The following ASB18 variants were observed in gnomAD, a reference collection of about 807,000 sequenced individuals.
The protein encoded by ASB18 is ankyrin repeat and SOCS box containing 18.
ASB18 carries 33 observed loss-of-function variants against 33.4 expected under a neutral mutation model. The ratio of observed to expected loss-of-function variants is 0.99; its 90% CI spans 0.75 to 1.32. ASB18 has a LOEUF of 1.32. Among genes scored for constraint, ASB18 ranks in the 40% most tolerant of loss-of-function variants. ASB18 has a pLI of 0.00. For missense variants in ASB18, 694 were observed against 655.5 expected (o/e 1.06, Z -0.64); for synonymous variants, 295 against 307.6 (o/e 0.96, Z 0.43).
rs1374333715 is a variant in ASB18 at position 236,200,492 on chromosome 2, T to C, written c.1102-4107A>G. On this transcript the variant is annotated intron_variant, in intron 4 of 5. Coordinates refer to ENST00000409749, the MANE Select transcript of ASB18 (RefSeq NM_212556.4). The surrounding 1 kb of genome is among the most constrained non-coding windows in gnomAD (Gnocchi z 4.2). ...GGTCGTGGCAGAGGTATTACCACCC[T>C]GGGCTGAAGGGCCAGTCAGGTGAGC... 6.6e-6 allele frequency among the ~76,000 whole-genome samples: 1 copy of C among 152,234 alleles called. No homozygotes were observed. The highest frequency in any genetic ancestry group is 1.5e-5 in the Non-Finnish European group (1 of 68,044).
chr2:236,229,437 T>C lies in ASB18; in HGVS notation c.596+8252A>G, dbSNP rs1330144877. ...TGGAGTCCCTGAAGGAGAGTACTGG[T>C]TGTATAGAAAAAAAATGTGAAGAAA... On this transcript the variant is annotated intron_variant, in intron 3 of 5. Transcript: ENST00000409749. The surrounding 1 kb of genome is among the most constrained non-coding windows in gnomAD (Gnocchi z 5.2). Among the ~76,000 whole-genome samples the C allele has an allele frequency of 6.6e-6, 1 of 151,998 alleles. No homozygotes were observed. The highest frequency in any genetic ancestry group is 1.5e-5 in the Non-Finnish European group (1 of 68,004).
At position 236,244,421 on chromosome 2, in the gene ASB18, C is replaced by T. The variant is rs1251461163; in HGVS notation, c.206-3019G>A. 9.2e-5 allele frequency among the ~76,000 whole-genome samples: 14 copies of T among 152,184 alleles called. No individual in the cohort carries two copies. Among genetic ancestry groups the T allele is most frequent in the Non-Finnish European group, 1.6e-4 (11 of 68,034 alleles). Reference sequence around the variant, plus strand: ...TGTTAGACCTGGGGACCCATGGGATCCCATCCCCACATGGTGTTGCAACCA... The same window carrying T: ...TGTTAGACCTGGGGACCCATGGGATTCCATCCCCACATGGTGTTGCAACCA... On this transcript the variant is annotated intron_variant, in intron 1 of 5. Transcript: ENST00000409749. The surrounding 1 kb of genome is among the most constrained non-coding windows in gnomAD (Gnocchi z 6.1).
rs1328064064 is a variant in ASB18 at position 236,225,604 on chromosome 2, T to A, written c.597-10738A>T. Among the ~76,000 whole-genome samples the A allele has an allele frequency of 6.6e-6, 1 of 152,012 alleles. No homozygotes were observed. Among genetic ancestry groups the A allele is most frequent in the African/African-American group, 2.4e-5 (1 of 41,378 alleles). On this transcript the variant is annotated intron_variant, in intron 3 of 5. Coordinates refer to ENST00000409749, the MANE Select transcript of ASB18 (RefSeq NM_212556.4). This position sits in a 1 kb window ranked among gnomAD's most constrained non-coding sequence, Gnocchi z 5.1. ...TTTTAATTATCTCGAATAAAAAGGG[T>A]CAAGGAGAGGAATCTGATAACAAAT...
Position 236,234,539 on chromosome 2 carries a change from T to C in ASB18, c.596+3150A>G, listed in dbSNP as rs1343975112. ...TTATATAATAGAGTGGCTCCTCACG[T>C]CTTCACCAGGTGAACCAGTCAGACT... is the stretch of plus-strand genomic sequence containing the variant. On this transcript the variant is annotated intron_variant, in intron 3 of 5. Coordinates refer to ENST00000409749, the MANE Select transcript of ASB18 (RefSeq NM_212556.4). The surrounding 1 kb of genome is among the most constrained non-coding windows in gnomAD (Gnocchi z 4.1). 2.0e-5 allele frequency among the ~76,000 whole-genome samples: 3 copies of C among 152,218 alleles called. No individual in the cohort carries two copies. The highest frequency in any genetic ancestry group is 7.2e-5 in the African/African-American group (3 of 41,454).
At chr2:236,233,986 A>G (rs2060578032) in intron 3 of ASB18, among the ~76,000 whole-genome samples, 1 of 152,202 alleles carries the variant, frequency 6.6e-6, no homozygotes, top group Non-Finnish European at 1.5e-5. Context: ...ATACTACCTG[A>G]CTTCAAAATT....
chr2:236,245,965 G>T lies in ASB18; in HGVS notation c.206-4563C>A, dbSNP rs2060643001. Among the ~76,000 whole-genome samples the T allele has an allele frequency of 6.6e-6, 1 of 152,162 alleles. No homozygotes were observed. Among genetic ancestry groups the T allele is most frequent in the Non-Finnish European group, 1.5e-5 (1 of 68,028 alleles). On this transcript the variant is annotated intron_variant, in intron 1 of 5. Coordinates refer to ENST00000409749, the MANE Select transcript of ASB18 (RefSeq NM_212556.4). This position sits in a 1 kb window ranked among gnomAD's most constrained non-coding sequence, Gnocchi z 4.7. ...TGGACGCTCGGCTGGCCTAGGGCAG[G>T]TCTCAGGTGCTCAGCGTGGGGACCT...
In ASB18 at chr2:236,249,824, C is replaced by T. The variant is rs1020118305; in HGVS notation, c.206-8422G>A. The stretch of plus-strand genomic sequence containing the variant: ...GAGAGGAGGCCCGGCTTGTGTCTGG[C>T]TAACTGAGTGAATAGACTGAATTTC... On this transcript the variant is annotated intron_variant, in intron 1 of 5. Coordinates refer to ENST00000409749, the MANE Select transcript of ASB18 (RefSeq NM_212556.4). The surrounding 1 kb of genome is among the most constrained non-coding windows in gnomAD (Gnocchi z 4.6). The T allele has an allele frequency of 4.6e-5, 7 of 152,102 alleles. No homozygotes were observed. The highest frequency in any genetic ancestry group is 1.7e-4 in the African/African-American group (7 of 41,412). The allele number at this position is 152,102 out of a possible 1,614,324, so 9.4% of individuals were successfully genotyped here.
rs1478532702 is a variant in ASB18 at position 236,237,859 on chromosome 2, G to A, written c.426C>T (p.Arg142=). Residue 142 remains arginine (R), a synonymous_variant, in exon 3 of 6, where the codon CGC becomes CGT. Transcript: ENST00000409749. This position sits in a 1 kb window ranked among gnomAD's most constrained non-coding sequence, Gnocchi z 6.2. ...HTACVRHLLG[R]GADPDASPGG... is the part of the protein sequence containing the mutation. Reference sequence around the variant, plus strand: ...CGGGGCTGGCGTCTGGGTCTGCGCCGCGGCCGAGCAGGTGTCGCACGCAGG... The same window carrying A: ...CGGGGCTGGCGTCTGGGTCTGCGCCACGGCCGAGCAGGTGTCGCACGCAGG... The A allele has an allele frequency of 6.9e-6, 10 of 1,455,840 alleles. No individual in the cohort carries two copies. Among genetic ancestry groups the A allele is most frequent in the Non-Finnish European group, 8.1e-6 (9 of 1,113,294 alleles). 90.2% of individuals were successfully genotyped at this position (1,455,840 alleles called of 1,614,324 possible). A position where few individuals can be genotyped will look rare whatever the true frequency, so the allele number is the denominator to read the frequency against.
rs2060551924 is a variant in ASB18 at position 236,228,703 on chromosome 2, G to A, written c.596+8986C>T. Among the ~76,000 whole-genome samples the A allele has an allele frequency of 6.6e-6, 1 of 152,130 alleles. No individual in the cohort carries two copies. The highest frequency in any genetic ancestry group is 1.9e-4 in the East Asian group (1 of 5,198). On this transcript the variant is annotated intron_variant, in intron 3 of 5. Transcript: ENST00000409749. The surrounding 1 kb of genome is among the most constrained non-coding windows in gnomAD (Gnocchi z 5.1). ...AGTGGCTGGTTTCAGCAACCAAAGT[G>A]TGAAACCTTATAAATAATTAGGTAT...
chr2:236,240,398 T>C (rs1444421409), intron 2 of ASB18, among the ~76,000 whole-genome samples: 2 of 152,248 alleles, frequency 1.3e-5, no homozygotes. Context: ...ACCTTCCGCA[T>C]TCTTTGCCTG....
At chr2:236,240,699 A>G (rs2060617326) in intron 2 of ASB18, among the ~76,000 whole-genome samples, 1 of 152,172 alleles carries the variant, frequency 6.6e-6, no homozygotes, top group Admixed American at 6.5e-5. Context: ...GCGCACAGTG[A>G]CCATGTTCAG....
At position 236,196,360 on chromosome 2, in the gene ASB18, G is replaced by A; in HGVS notation, c.1127C>T (p.Pro376Leu). ...GTTGAAAAGCACCTCGATGACTGCG[G>A]GGACAGATGCACAGGTCTTCAGCAC... is the stretch of plus-strand genomic sequence containing the variant. ...PKVLKTCASV[P>L]AVIEVLFNSY... Residue 376 changes from proline to leucine, a missense_variant, in exon 5 of 6, where the codon CCC becomes CTC. Pro to Leu is a moderately conservative substitution (Grantham distance 98). Coordinates refer to ENST00000409749, the MANE Select transcript of ASB18 (RefSeq NM_212556.4). This position sits in a 1 kb window ranked among gnomAD's most constrained non-coding sequence, Gnocchi z 5.6. The A allele has an allele frequency of 6.4e-7, 1 of 1,566,606 alleles. No homozygotes were observed. Among genetic ancestry groups the A allele is most frequent in the Non-Finnish European group, 8.7e-7 (1 of 1,154,938 alleles).
At position 236,241,619 on chromosome 2, in the gene ASB18, T is replaced by C. The variant is rs540228723; in HGVS notation, c.206-217A>G. 6 of 654,950 alleles carry C rather than the reference T, an allele frequency of 9.2e-6. 1 individual carries two copies. Among genetic ancestry groups the C allele is most frequent in the South Asian group, 5.4e-5 (3 of 55,944 alleles). 40.6% of individuals were successfully genotyped at this position (654,950 alleles called of 1,614,324 possible). The stretch of plus-strand genomic sequence containing the variant: ...TTGTCATTACTCAATTGTCATCCAG[T>C]TGGGGCTCGATGGTGGTATATTTAT... On this transcript the variant is annotated intron_variant, in intron 1 of 5. Transcript: ENST00000409749. This position sits in a 1 kb window ranked among gnomAD's most constrained non-coding sequence, Gnocchi z 4.2.
intron 3 of ASB18, among the ~76,000 whole-genome samples, chr2:236,233,109 T>C (rs2060574070): frequency 6.6e-6 from 1 of 152,116 alleles, no homozygotes; most frequent in Admixed American, 6.5e-5. Flanking sequence ...AAGTGTGGTT[T>C]ATCCCAGGAA....
rs113672805 is a variant in ASB18 at position 236,252,267 on chromosome 2, T to TCACACA, written c.206-10871_206-10866dup. On this transcript the variant is annotated intron_variant, in intron 1 of 5. Transcript: ENST00000409749. This position sits in a 1 kb window ranked among gnomAD's most constrained non-coding sequence, Gnocchi z 7.9. ...GCCTTGGCAACAGAGTGAGACTCCG[T>TCACACA]CACACACACACACACACACACACAC... Among the ~76,000 whole-genome samples, 19,955 of 138,444 alleles carry TCACACA rather than the reference T, an allele frequency of 0.14. 1,762 individuals carry two copies. The highest frequency in any genetic ancestry group is 0.19 in the Non-Finnish European group (11,842 of 63,728). 90.8% of individuals were successfully genotyped at this position (138,444 alleles called of 152,430 possible). A position where few individuals can be genotyped will look rare whatever the true frequency, so the allele number is the denominator to read the frequency against.
In ASB18 at chr2:236,216,482, T is replaced by C. The variant is rs1319851192; in HGVS notation, c.597-1616A>G. 6.6e-6 allele frequency among the ~76,000 whole-genome samples: 1 copy of C among 152,140 alleles called. No individual in the cohort carries two copies. ...CCCTCTTGATCATCTTGGCCCAGAG[T>C]TAGTCGTCTTTGGCTTATTTGGGGT... On this transcript the variant is annotated intron_variant, in intron 3 of 5. Transcript: ENST00000409749. The surrounding 1 kb of genome is among the most constrained non-coding windows in gnomAD (Gnocchi z 6.1).
rs964214306 is a variant in ASB18 at position 236,211,592 on chromosome 2, C to T, written c.1101+2770G>A. ...CCCTGTGACAGTGCTGGTGACTCTA[C>T]GCTCGGCTCGCCATGGCGCCCGTGT... is the stretch of plus-strand genomic sequence containing the variant. On this transcript the variant is annotated intron_variant, in intron 4 of 5. Coordinates refer to ENST00000409749, the MANE Select transcript of ASB18 (RefSeq NM_212556.4). The surrounding 1 kb of genome is among the most constrained non-coding windows in gnomAD (Gnocchi z 5.0). 4.6e-5 allele frequency among the ~76,000 whole-genome samples: 7 copies of T among 152,236 alleles called. No homozygotes were observed. The highest frequency in any genetic ancestry group is 7.2e-5 in the African/African-American group (3 of 41,466).
chr2:236,228,896 A>G lies in ASB18; in HGVS notation c.596+8793T>C, dbSNP rs1352083279. On this transcript the variant is annotated intron_variant, in intron 3 of 5. Coordinates refer to ENST00000409749, the MANE Select transcript of ASB18 (RefSeq NM_212556.4). This position sits in a 1 kb window ranked among gnomAD's most constrained non-coding sequence, Gnocchi z 5.1. ...GCAGAGATCAAGAATATTGACAGGA[A>G]TACAAAAATATCAAACACCCAATGA... 6.6e-6 allele frequency among the ~76,000 whole-genome samples: 1 copy of G among 152,244 alleles called. No individual in the cohort carries two copies. Among genetic ancestry groups the G allele is most frequent in the African/African-American group, 2.4e-5 (1 of 41,458 alleles).
chr2:236,235,922 G>A lies in ASB18; in HGVS notation c.596+1767C>T, dbSNP rs368060204. ...TTGCCCAGGCTGGTCTTGAACTCCC[G>A]GACTCAAGTGATCTGCCTGTCTCAG... On this transcript the variant is annotated intron_variant, in intron 3 of 5. Transcript: ENST00000409749. The surrounding 1 kb of genome is among the most constrained non-coding windows in gnomAD (Gnocchi z 6.2). Among the ~76,000 whole-genome samples, 54 of 152,246 alleles carry A rather than the reference G, an allele frequency of 3.5e-4. 2 individuals carry two copies. In the East Asian group the frequency reaches 7.9e-3, roughly 22 times the overall value.
Sources: gnomAD v4.1 joint callset for allele counts (sites outside exome capture counted in the v4.1 genomes callset) on GRCh38, gnomAD v4.1.1 for gene constraint, Gnocchi (gnomAD v3.1) non-coding constraint, MANE v1.5 for transcripts, NCBI Gene and HGNC (gene_info 2026-07-23, HGNC 2026-07-21) for gene names.